The following SEC14L3 variants were observed in gnomAD, a reference collection of about 807,000 sequenced individuals.
SEC14L3 encodes the protein SEC14 like lipid binding 3.
In SEC14L3, 56 loss-of-function variants were observed where a neutral mutation model predicts 57.4. That is an observed-to-expected ratio of 0.97 (90% CI 0.79 to 1.22). The LOEUF is 1.22. SEC14L3 is among the 50% of genes most tolerant of loss of function. The probability of loss-of-function intolerance (pLI) is 0.00; values close to 1 mark genes in which losing one functional copy is unlikely to be tolerated. For missense variants in SEC14L3, 485 were observed against 511.7 expected (o/e 0.95, Z 0.50); for synonymous variants, 173 against 194.4 (o/e 0.89, Z 0.92).
downstream of SEC14L3, among the ~76,000 whole-genome samples, chr22:30,455,736 G>T (rs1051934436): frequency 6.6e-6 from 1 of 151,376 alleles, no homozygotes; most frequent in African/African-American, 2.4e-5. Flanking sequence ...CTGGCCTGAG[G>T]TCTACACGGT....
chr22:30,449,299 C>G, intron 12 of SEC14L3: 1 of 1,545,432 alleles, frequency 6.5e-7, no homozygotes, highest in Non-Finnish European at 8.7e-7. Context: ...AAATGAAAAT[C>G]CTGAACTCCA....
In SEC14L3 at chr22:30,461,171, G is replaced by A. The variant is rs1448243266; in HGVS notation, c.1081+139C>T. The A allele has an allele frequency of 4.8e-6, 5 of 1,031,600 alleles. No individual in the cohort carries two copies. The East Asian group carries it at 9.8e-5, about 20-fold the overall frequency. 63.9% of individuals were successfully genotyped at this position (1,031,600 alleles called of 1,614,324 possible). ...ATGAATATGGACTGAGTGAGTGACT[G>A]TATGAATGAATGGTGCTAACCTAGG... is the stretch of plus-strand genomic sequence containing the variant. On this transcript the variant is annotated intron_variant, in intron 11 of 11. Transcript: ENST00000215812.
chr22:30,470,203 A>G lies in SEC14L3; in HGVS notation c.174+9T>C. 6.2e-7 allele frequency: 1 copy of G among 1,614,150 alleles called. No homozygotes were observed. Among genetic ancestry groups the G allele is most frequent in the South Asian group, 1.1e-5 (1 of 91,068 alleles). On this transcript the variant is annotated intron_variant, in intron 3 of 11. Coordinates refer to ENST00000215812, the MANE Select transcript of SEC14L3 (RefSeq NM_174975.5). ...CCCTCCATAAATTTCCAGAGTGGAT[A>G]GGTCTCACCTTGCGGAGCAAAGCCT...
chr22:30,460,769 G>A (rs564332361), intron 11 of SEC14L3, among the ~76,000 whole-genome samples: 6 of 148,706 alleles, frequency 4.0e-5, no homozygotes, highest in South Asian at 2.1e-4. Flanking sequence ...GGGAGGTTGC[G>A]GTGAGCAGAG....
chr22:30,463,376 T>C (rs932053011), intron 8 of SEC14L3, among the ~76,000 whole-genome samples: 24 of 151,786 alleles, frequency 1.6e-4, no homozygotes, highest in African/African-American at 5.8e-4. Flanking sequence ...CCATGGGAGG[T>C]TCCTTCTCTA....
At chr22:30,449,498 T>G (rs1934938630) in intron 12 of SEC14L3, among the ~76,000 whole-genome samples, 1 of 152,152 alleles carries the variant, frequency 6.6e-6, no homozygotes, top group Non-Finnish European at 1.5e-5. Context: ...ACTTAGCCAG[T>G]ACCTGATTAC....
chr22:30,461,355 T>A lies in SEC14L3; in HGVS notation c.1036A>T (p.Met346Leu), dbSNP rs1477841264. 1.2e-6 allele frequency: 2 copies of A among 1,612,858 alleles called. No homozygotes were observed. Among genetic ancestry groups the A allele is most frequent in the East Asian group, 4.5e-5 (2 of 44,882 alleles). The change falls in exon 11 of 12, where the codon ATG (methionine) becomes TTG (leucine). Residue 346 changes from methionine (M) to leucine (L), a missense_variant. Coordinates refer to ENST00000215812, the MANE Select transcript of SEC14L3 (RefSeq NM_174975.5). The part of the protein sequence containing the change: ...VLPSQRYNAH[M>L]VPEDGNLTCS... ...GTGAGGTTCCCATCCTCGGGCACCA[T>A]GTGGGCGTTATAGCGCTGGCTGGGT...
chr22:30,452,480 G>A (rs555351409), intron 12 of SEC14L3, among the ~76,000 whole-genome samples: 4 of 151,612 alleles, frequency 2.6e-5, no homozygotes, highest in East Asian at 1.9e-4. Context: ...TCCTGACCTC[G>A]TGATCCACCC....
chr22:30,467,307 C>A (rs1935452177), intron 5 of SEC14L3, among the ~76,000 whole-genome samples: 1 of 152,054 alleles, frequency 6.6e-6, no homozygotes, highest in Non-Finnish European at 1.5e-5. Context: ...ACCCACCCAC[C>A]CCCGTATATA....
At chr22:30,467,144 G>A (rs749086716) in intron 5 of SEC14L3, 67 bp from the exon 6 acceptor site, 2 of 1,603,852 alleles carry the variant, frequency 1.2e-6, no homozygotes, top group Non-Finnish European at 1.7e-6. Context: ...GGTAATCCAA[G>A]TACATGACCC....
At chr22:30,448,748 C>A in exon 13 of SEC14L3, 1 of 203,396 alleles carries the variant, frequency 4.9e-6, no homozygotes, top group South Asian at 1.6e-4. Flanking sequence ...AAAAAAAACC[C>A]AGGCATGGTG....
At position 30,471,776 on chromosome 22, in the gene SEC14L3, G is replaced by A. The variant is rs1486415062; in HGVS notation, c.54+129C>T. 2.2e-6 allele frequency: 3 copies of A among 1,349,072 alleles called. No individual in the cohort carries two copies. The Admixed American group carries it at 5.2e-5, about 23-fold the overall frequency. 83.6% of individuals were successfully genotyped at this position (1,349,072 alleles called of 1,614,324 possible). A position where few individuals can be genotyped will look rare whatever the true frequency, so the allele number is the denominator to read the frequency against. Reference sequence around the variant, plus strand: ...CACCGTGGGGCTTGACCCTTTGGGAGGTAACACCAAAGAGACAATGTCAAG... The same window carrying A: ...CACCGTGGGGCTTGACCCTTTGGGAAGTAACACCAAAGAGACAATGTCAAG... On this transcript the variant is annotated intron_variant, in intron 1 of 11. Coordinates refer to ENST00000215812, the MANE Select transcript of SEC14L3 (RefSeq NM_174975.5).
intron 12 of SEC14L3, among the ~76,000 whole-genome samples, chr22:30,453,683 G>A (rs1379929518): frequency 6.6e-6 from 1 of 152,216 alleles, no homozygotes; most frequent in Admixed American, 6.5e-5. Flanking sequence ...GAAGTGCTGG[G>A]ATTACAGGCG....
At chr22:30,464,722 C>T in intron 8 of SEC14L3, 98 bp downstream of exon 8, 2 of 1,120,320 alleles carry the variant, frequency 1.8e-6, no homozygotes, top group South Asian at 1.3e-5. Flanking sequence ...TGAGCCACTG[C>T]ACCCAACCTA....
downstream of SEC14L3, among the ~76,000 whole-genome samples, chr22:30,457,609 C>T (rs1403469221): frequency 6.6e-6 from 1 of 151,870 alleles, no homozygotes; most frequent in African/African-American, 2.4e-5. Context: ...TCTCGAACTC[C>T]TGACGTCAAG....
intron 5 of SEC14L3, among the ~76,000 whole-genome samples, chr22:30,467,405 A>G (rs17659494): frequency 6.6e-6 from 1 of 152,128 alleles, no homozygotes; most frequent in Admixed American, 6.5e-5. Flanking sequence ...CATAATATAA[A>G]TATAAACTGA....
exon 13 of SEC14L3, chr22:30,448,846 C>G (rs979836164): frequency 1.4e-4 from 67 of 463,346 alleles, no homozygotes; most frequent in Non-Finnish European, 2.4e-4. Context: ...GAGCTATGAT[C>G]GCACCACTGC....
At position 30,470,594 on chromosome 22, in the gene SEC14L3, G is replaced by A. The variant is rs760259295; in HGVS notation, c.55-12C>T. On this transcript the variant is annotated splice_polypyrimidine_tract_variant and intron_variant, in intron 1 of 11. Coordinates refer to ENST00000215812, the MANE Select transcript of SEC14L3 (RefSeq NM_174975.5). ...ACGTTTTCTCGGAACTGGCAAGAGAGATGCTGGTTAAAGTGGCTCTCTCAC... is the reference window on the plus strand; with the variant it reads ...ACGTTTTCTCGGAACTGGCAAGAGAAATGCTGGTTAAAGTGGCTCTCTCAC... 1.2e-6 allele frequency: 2 copies of A among 1,614,214 alleles called. No individual in the cohort carries two copies. Among genetic ancestry groups the A allele is most frequent in the Non-Finnish European group, 1.7e-6 (2 of 1,180,034 alleles).
At chr22:30,462,215 G>A in intron 8 of SEC14L3, 23 bp from the exon 9 acceptor site, 2 of 1,601,924 alleles carry the variant, frequency 1.2e-6, no homozygotes, top group Non-Finnish European at 1.7e-6. Flanking sequence ...GGATTCAAGG[G>A]TGGTTAGCAA....
Sources: allele counts gnomAD v4.1 joint callset (sites outside exome capture counted in the v4.1 genomes callset), GRCh38; gene constraint gnomAD v4.1.1; transcripts MANE v1.5; gene names NCBI Gene and HGNC (gene_info 2026-07-23, HGNC 2026-07-21).